Variants in IRAK1 observed in about 807,000 individuals in gnomAD.
IRAK1 encodes interleukin 1 receptor associated kinase 1.
Under a neutral mutation model 49.8 loss-of-function variants are expected in IRAK1, and 9 were observed. The ratio of observed to expected loss-of-function variants is 0.18; its 90% confidence interval spans 0.11 to 0.32. The LOEUF (loss-of-function observed/expected upper bound fraction) is 0.32. Ranked by LOEUF, IRAK1 falls within the 10% of genes least tolerant of loss-of-function variation. The pLI is 1.00. For synonymous variants in IRAK1, 282 were observed against 270.8 expected (o/e 1.04, Z -0.41); for missense variants, 418 against 600.5 (o/e 0.70, Z 3.18).
At chrX:154,014,501 C>T in intron 10 of IRAK1, 1 of 401,351 alleles carries the variant, frequency 2.5e-6, no homozygotes, top group Non-Finnish European at 4.3e-6. Flanking sequence ...GACACTGTGC[C>T]ACAGCTCTTG....
At chrX:154,016,692 C>T (rs369947857) in intron 8 of IRAK1, 48 bp from the exon 9 acceptor site, 9 of 1,061,896 alleles carry the variant, frequency 8.5e-6, no homozygotes, top group African/African-American at 3.6e-5. Context: ...GCTCCTACAC[C>T]TGCCCGGCTT....
At chrX:154,016,874 T>A (rs2065742387) in intron 8 of IRAK1, 75 bp downstream of exon 8, 1 of 771,598 alleles carries the variant, frequency 1.3e-6, no homozygotes, top group Non-Finnish European at 2.0e-6. Flanking sequence ...CCATGCCTGA[T>A]CCCCACATTG....
Position 154,013,482 on chromosome X carries a change from G to A in IRAK1, c.1540-49C>T, listed in dbSNP as rs782540043. On this transcript the variant is annotated intron_variant, in intron 11 of 13. Coordinates refer to ENST00000369980, the MANE Select transcript of IRAK1 (RefSeq NM_001569.4). ...TCAGGGTGAGATGGCAGCCCTGGCC[G>A]GTCACCCCGTGGGCAAACCACAGGG... is the stretch of plus-strand genomic sequence containing the variant. 1.2e-5 allele frequency: 13 copies of A among 1,123,702 alleles called. No homozygotes were observed. The African/African-American group carries it at 1.5e-4, about 13-fold the overall frequency. The allele number at this position is 1,123,702 out of a possible 1,213,427, so 92.6% of individuals were successfully genotyped here.
chrX:154,015,146 G>A (rs781834995), intron 10 of IRAK1, among the ~76,000 whole-genome samples: 2 of 112,156 alleles, frequency 1.8e-5, no homozygotes, highest in Non-Finnish European at 3.8e-5. Flanking sequence ...GGAGCGCCCC[G>A]AGTCCCAGGG....
At position 154,019,226 on chromosome X, in the gene IRAK1, G is replaced by A. The variant is rs782689273; in HGVS notation, c.407C>T (p.Pro136Leu). 3 of 1,210,462 alleles carry A rather than the reference G, an allele frequency of 2.5e-6. No individual in the cohort carries two copies. The stretch of plus-strand genomic sequence containing the variant: ...GGAGAGGAAGGTGGAGGCTGAGGAT[G>A]GCAACTTCCGGGGGCTCCAGGCCTC... The part of the protein sequence containing the change: ...EAEAWSPRKL[P>L]SSASTFLSPA... Residue 136 changes from proline (P) to leucine (L), a missense_variant, in exon 3 of 14, where the codon CCA becomes CTA. By Grantham distance (98) the Pro-to-Leu change is moderately conservative. Transcript: ENST00000369980.
chrX:154,018,722 G>T lies in IRAK1; in HGVS notation c.606C>A (p.Leu202=). 9.1e-7 allele frequency: 1 copy of T among 1,093,743 alleles called. No individual in the cohort carries two copies. Among genetic ancestry groups the T allele is most frequent in the Non-Finnish European group, 1.3e-6 (1 of 788,123 alleles). 90.1% of individuals were successfully genotyped at this position (1,093,743 alleles called of 1,213,427 possible). ...TGTGGGTGCCCCGGGAAATCTCACAGAGGGGCCAGCAAAACGGAAAGGGGC... is the reference window on the plus strand; with the variant it reads ...TGTGGGTGCCCCGGGAAATCTCACATAGGGGCCAGCAAAACGGAAAGGGGC... ...GARPFPFCWP[L]CEISRGTHNF... The change falls in exon 5 of 14, where the codon CTC becomes CTA. Residue 202 remains leucine, a synonymous_variant. Transcript: ENST00000369980.
intron 10 of IRAK1, among the ~76,000 whole-genome samples, chrX:154,014,973 C>CAG (rs1299006853): frequency 1.8e-5 from 2 of 111,002 alleles, no homozygotes; most frequent in Admixed American, 9.5e-5. Context: ...AGAGGTACCC[C>CAG]AGAGAGAGAG....
intron 13 of IRAK1, 22 bp downstream of exon 13, chrX:154,012,507 A>G (rs782497968): frequency 8.3e-7 from 1 of 1,199,188 alleles, no homozygotes; most frequent in Admixed American, 2.2e-5. Flanking sequence ...AGCACCCCAG[A>G]GGCCAGCCTG....
chrX:154,014,476 G>A, intron 10 of IRAK1, 198 bp from the exon 11 acceptor site: 1 of 435,067 alleles, frequency 2.3e-6, no homozygotes, highest in Non-Finnish European at 3.9e-6. Flanking sequence ...CAAAGTGCTG[G>A]TGTTACAGGT....
At chrX:154,012,013 C>G in intron 13 of IRAK1, 96 bp from the exon 14 acceptor site, 1 of 706,971 alleles carries the variant, frequency 1.4e-6, no homozygotes, top group Admixed American at 2.7e-5. Flanking sequence ...TCCCTTATCT[C>G]CTGGGGCGTT....
At chrX:154,018,943 C>G (rs2065760414) in intron 4 of IRAK1, 32 bp downstream of exon 4, 2 of 1,098,544 alleles carry the variant, frequency 1.8e-6, no homozygotes, top group Non-Finnish European at 1.2e-6. Flanking sequence ...CTCCTTGTCT[C>G]GAATCTTCCC....
At chrX:154,012,212 A>C (rs782482506) in intron 13 of IRAK1, among the ~76,000 whole-genome samples, 1 of 112,692 alleles carries the variant, frequency 8.9e-6, no homozygotes, top group Non-Finnish European at 1.9e-5. Flanking sequence ...CGCCCAGCTG[A>C]GGGTTCCTAA....
chrX:154,015,287 C>T (rs1557128842), intron 10 of IRAK1, among the ~76,000 whole-genome samples: 1 of 111,678 alleles, frequency 9.0e-6, no homozygotes, highest in Non-Finnish European at 1.9e-5. Flanking sequence ...GTCCAAGGAC[C>T]CCCAAGGAGC....
intron 10 of IRAK1, among the ~76,000 whole-genome samples, chrX:154,014,762 ATTT>A (rs781940785): frequency 6.3e-5 from 7 of 111,555 alleles, no homozygotes; most frequent in African/African-American, 2.0e-4. Context: ...GCTTCTAGAG[ATTT>A]ATTAAACACC....
At position 154,019,318 on chromosome X, in the gene IRAK1, G is replaced by A. The variant is rs2065764579; in HGVS notation, c.315C>T (p.Pro105=). ...TGGTGCCTGGGGACGGAAGCGGGGC[G>A]GGAGGGTGCCCTGGGACGCCAAGGA... ...ARDIITAWHP[P]APLPSPGTTA... Residue 105 remains proline (P), a synonymous_variant, in exon 3 of 14, where the codon CCC becomes CCT. Coordinates refer to ENST00000369980, the MANE Select transcript of IRAK1 (RefSeq NM_001569.4). 1 of 1,167,204 alleles carries A rather than the reference G, an allele frequency of 8.6e-7. No individual in the cohort carries two copies. The highest frequency in any genetic ancestry group is 1.1e-6 in the Non-Finnish European group (1 of 872,289).
At position 154,019,249 on chromosome X, in the gene IRAK1, C is replaced by T; in HGVS notation, c.384G>A (p.Glu128=). ...PSSIPAPAEA[E]AWSPRKLPSS... ...ATGGCAACTTCCGGGGGCTCCAGGC[C>T]TCGGCCTCGGCGGGTGCAGGGATGC... The change falls in exon 3 of 14, where the codon GAG becomes GAA. Residue 128 remains glutamate, a synonymous_variant. Coordinates refer to ENST00000369980, the MANE Select transcript of IRAK1 (RefSeq NM_001569.4). 3.3e-6 allele frequency: 4 copies of T among 1,206,634 alleles called. No homozygotes were observed. The highest frequency in any genetic ancestry group is 4.5e-6 in the Non-Finnish European group (4 of 892,962).
At chrX:154,019,400 A>C (rs1557130819) in intron 2 of IRAK1, 31 bp downstream of exon 2, 1 of 1,111,862 alleles carries the variant, frequency 9.0e-7, no homozygotes, top group Non-Finnish European at 1.2e-6. Context: ...CCGGCCTCCC[A>C]GCCGTGGGGT....
intron 6 of IRAK1, 58 bp from the exon 7 acceptor site, chrX:154,018,178 G>C: frequency 9.1e-7 from 1 of 1,094,978 alleles, no homozygotes; most frequent in Non-Finnish European, 1.3e-6. Flanking sequence ...AGCCCTGGCT[G>C]GGGCCTCAGC....
At position 154,016,034 on chromosome X, in the gene IRAK1, G is replaced by A. The variant is rs201931942; in HGVS notation, c.1300C>T (p.Leu434=). The change falls in exon 10 of 14, where the codon CTG becomes TTG. Residue 434 remains leucine, a splice_region_variant and synonymous_variant. Transcript: ENST00000369980. ...TGGCCCTGCCTCAAGGGGCTCACCAGATACTTGGTCCTGGCACCGTGCGTC... is the reference window on the plus strand; with the variant it reads ...TGGCCCTGCCTCAAGGGGCTCACCAAATACTTGGTCCTGGCACCGTGCGTC... ...VKTHGARTKY[L]KDLVEEEAEE... The A allele has an allele frequency of 8.9e-5, 108 of 1,207,432 alleles. No homozygotes were observed. The highest frequency in any genetic ancestry group is 1.2e-4 in the Non-Finnish European group (105 of 892,553).
Sources: allele counts gnomAD v4.1 joint callset (sites outside exome capture counted in the v4.1 genomes callset), GRCh38; gene constraint gnomAD v4.1.1; transcripts MANE v1.5; gene names NCBI Gene and HGNC (gene_info 2026-07-23, HGNC 2026-07-21).